The following PLCL1 variants were observed in gnomAD, a reference collection of about 807,000 sequenced individuals.
PLCL1 encodes inactive phospholipase C-like protein 1.
PLCL1 carries 41 observed loss-of-function variants against 84.4 expected under a neutral mutation model. The ratio of observed to expected loss-of-function variants is 0.49; its 90% CI spans 0.38 to 0.63. PLCL1 has a LOEUF of 0.63. Among genes scored for constraint, PLCL1 ranks in the 30% least tolerant of loss-of-function variants. The pLI, the probability that PLCL1 is intolerant of heterozygous loss-of-function variation, is 0.00. For synonymous variants in PLCL1, 490 were observed against 488.3 expected (o/e 1.00, Z -0.05); for missense variants, 1,206 against 1,367.8 (o/e 0.88, Z 1.87).
chr2:198,060,508 C>A (rs1692169902), intron 1 of PLCL1, among the ~76,000 whole-genome samples: 1 of 152,130 alleles, frequency 6.6e-6, no homozygotes, highest in South Asian at 2.1e-4. Context: ...TGACACAGTA[C>A]CTCTGGCCGA....
Position 197,952,738 on chromosome 2 carries a change from G to A in PLCL1, c.241-131020G>A, listed in dbSNP as rs184868297. On this transcript the variant is annotated intron_variant, in intron 1 of 5. Coordinates refer to ENST00000428675, the MANE Select transcript of PLCL1 (RefSeq NM_006226.4). ...GAGAGATAACTGAATTATGTTGGCG[G>A]TTTCCCCCATACTGTTCTTGTGGTA... Among the ~76,000 whole-genome samples, 205 of 152,206 alleles carry A rather than the reference G, an allele frequency of 1.3e-3. 1 individual carries two copies. The highest frequency in any genetic ancestry group is 3.3e-3 in the Admixed American group (51 of 15,288).
intron 1 of PLCL1, among the ~76,000 whole-genome samples, chr2:197,878,330 C>T (rs1687773455): frequency 6.6e-6 from 1 of 152,084 alleles, no homozygotes; most frequent in African/African-American, 2.4e-5. Context: ...ATGAACAAAG[C>T]AAGGGTGGCC....
intron 1 of PLCL1, among the ~76,000 whole-genome samples, chr2:197,867,202 T>G (rs2105700954): frequency 6.6e-6 from 1 of 152,250 alleles, no homozygotes; most frequent in African/African-American, 2.4e-5. Flanking sequence ...TTCTTTTACT[T>G]TTGCATGTCC....
chr2:198,035,047 G>T (rs1361646454), intron 1 of PLCL1, among the ~76,000 whole-genome samples: 4 of 152,098 alleles, frequency 2.6e-5, no homozygotes, highest in Non-Finnish European at 5.9e-5. Flanking sequence ...TGTGGTATCT[G>T]CCATATTTCT....
intron 1 of PLCL1, among the ~76,000 whole-genome samples, chr2:198,062,100 A>G (rs1692219117): frequency 1.3e-5 from 2 of 152,234 alleles, no homozygotes; most frequent in African/African-American, 4.8e-5. Context: ...TGTTTAGGAC[A>G]TGGTAAGATT....
At chr2:197,922,603 C>T (rs1184269889) in intron 1 of PLCL1, among the ~76,000 whole-genome samples, 1 of 139,764 alleles carries the variant, frequency 7.2e-6, no homozygotes, top group Non-Finnish European at 1.6e-5. Context: ...GCAGAGGCGC[C>T]CCTCACCTCC....
intron 5 of PLCL1, among the ~76,000 whole-genome samples, chr2:198,143,109 T>C (rs921801790): frequency 6.6e-6 from 1 of 152,196 alleles, no homozygotes; most frequent in Admixed American, 6.5e-5. Context: ...TAGGTTACTC[T>C]TTAAATATAT....
chr2:198,011,798 A>C (rs1048333872), intron 1 of PLCL1, among the ~76,000 whole-genome samples: 1 of 152,054 alleles, frequency 6.6e-6, no homozygotes, highest in Non-Finnish European at 1.5e-5. Context: ...TGTTAAGTAC[A>C]TATCTGTTTT....
chr2:198,083,735 A>AT (rs752245440), intron 1 of PLCL1, 23 bp from the exon 2 acceptor site: 26 of 1,503,750 alleles, frequency 1.7e-5, no homozygotes, highest in Non-Finnish European at 2.2e-5. Context: ...AAATTGATTC[A>AT]TTTTTTTCAA....
intron 1 of PLCL1, among the ~76,000 whole-genome samples, chr2:198,073,795 A>G (rs1476210812): frequency 6.6e-6 from 1 of 152,212 alleles, no homozygotes; most frequent in Non-Finnish European, 1.5e-5. Context: ...GAAGGAGTCC[A>G]TTTGTTGATA....
intron 1 of PLCL1, among the ~76,000 whole-genome samples, chr2:197,958,958 G>A (rs1689550797): frequency 6.6e-6 from 1 of 151,958 alleles, no homozygotes. Flanking sequence ...ACTTTGGCAT[G>A]CATAAGGATC....
intron 1 of PLCL1, among the ~76,000 whole-genome samples, chr2:197,888,840 A>T (rs1248285438): frequency 2.6e-5 from 4 of 152,134 alleles, no homozygotes; most frequent in Non-Finnish European, 5.9e-5. Flanking sequence ...TCTTTCTAAT[A>T]TTGGAATTAG....
intron 1 of PLCL1, among the ~76,000 whole-genome samples, chr2:198,079,490 TA>T (rs1692657080): frequency 6.6e-6 from 1 of 152,010 alleles, no homozygotes; most frequent in African/African-American, 2.4e-5. Context: ...CATTATAGCA[TA>T]AGATTAGATA....
intron 1 of PLCL1, among the ~76,000 whole-genome samples, chr2:197,930,145 T>C (rs1229125557): frequency 6.6e-6 from 1 of 152,194 alleles, no homozygotes; most frequent in Non-Finnish European, 1.5e-5. Context: ...GTAACTTAAG[T>C]GATCTGCAAT....
intron 1 of PLCL1, among the ~76,000 whole-genome samples, chr2:197,851,515 G>C (rs531495084): frequency 6.6e-6 from 1 of 152,346 alleles, no homozygotes; most frequent in African/African-American, 2.4e-5. Context: ...TGAAGCTATT[G>C]GTGTTTATGG....
At chr2:197,913,401 A>G (rs1315730766) in intron 1 of PLCL1, among the ~76,000 whole-genome samples, 2 of 152,222 alleles carry the variant, frequency 1.3e-5, no homozygotes, top group Non-Finnish European at 2.9e-5. Context: ...AAATAATAGC[A>G]GCAGCAAAAA....
chr2:198,111,011 A>G (rs970054032), intron 5 of PLCL1, among the ~76,000 whole-genome samples: 28 of 152,014 alleles, frequency 1.8e-4, no homozygotes, highest in African/African-American at 6.5e-4. Context: ...TATACTATCA[A>G]TTATTGAGAA....
intron 1 of PLCL1, among the ~76,000 whole-genome samples, chr2:197,959,645 GT>G (rs1689568150): frequency 6.6e-6 from 1 of 152,016 alleles, no homozygotes; most frequent in African/African-American, 2.4e-5. Flanking sequence ...ATCTAGAGTT[GT>G]TTTTTTAAAG....
chr2:197,868,792 A>G (rs1485941228), intron 1 of PLCL1, among the ~76,000 whole-genome samples: 1 of 151,912 alleles, frequency 6.6e-6, no homozygotes, highest in African/African-American at 2.4e-5. Flanking sequence ...CTGGGATTAC[A>G]GGCATGAGCC....
Sources: allele counts gnomAD v4.1 joint callset (sites outside exome capture counted in the v4.1 genomes callset), GRCh38; gene constraint gnomAD v4.1.1; transcripts MANE v1.5; gene names NCBI Gene and HGNC (gene_info 2026-07-23, HGNC 2026-07-21).